PLCB1: variants seen among roughly 807,000 people sequenced by gnomAD.
The protein encoded by PLCB1 is 1-phosphatidylinositol 4,5-bisphosphate phosphodiesterase beta-1.
Under a neutral mutation model 161.8 loss-of-function variants are expected in PLCB1, and 46 were observed. The ratio of observed to expected loss-of-function variants is 0.28; its 90% CI spans 0.22 to 0.36. The LOEUF is 0.36. Ranked by LOEUF, PLCB1 falls within the 10% of genes least tolerant of loss-of-function variation. PLCB1 has a pLI of 1.00. For synonymous variants in PLCB1, 517 were observed against 503.7 expected (o/e 1.03, Z -0.35); for missense variants, 1,016 against 1,472.5 (o/e 0.69, Z 5.07).
intron 2 of PLCB1, among the ~76,000 whole-genome samples, chr20:8,254,551 A>T (rs1004086562): frequency 4.0e-5 from 6 of 149,610 alleles, no homozygotes; most frequent in Admixed American, 4.0e-4. Flanking sequence ...CTCTTTCCTG[A>T]GGAGTGCTTA....
At chr20:8,428,212 G>A (rs552955553) in intron 3 of PLCB1, among the ~76,000 whole-genome samples, 3 of 134,356 alleles carry the variant, frequency 2.2e-5, no homozygotes, top group African/African-American at 8.6e-5. Context: ...TGTAAGGGTA[G>A]TCAGGGTTTT....
chr20:8,496,506 G>A (rs1983180018), intron 3 of PLCB1, among the ~76,000 whole-genome samples: 1 of 152,130 alleles, frequency 6.6e-6, no homozygotes, highest in African/African-American at 2.4e-5. Context: ...TAATTGATTT[G>A]TACCTTTACT....
At chr20:8,609,269 A>T (rs769136692) in intron 3 of PLCB1, among the ~76,000 whole-genome samples, 40 of 152,190 alleles carry the variant, frequency 2.6e-4, no homozygotes, top group Non-Finnish European at 5.1e-4. Context: ...TAATAGATTG[A>T]CTTATGTCAT....
intron 25 of PLCB1, among the ~76,000 whole-genome samples, chr20:8,762,656 A>G (rs1039255324): frequency 3.3e-5 from 5 of 152,208 alleles, no homozygotes; most frequent in Non-Finnish European, 7.3e-5. Flanking sequence ...TGCAACCATA[A>G]TGAGTCAATT....
At chr20:8,143,113 C>T (rs2051420442) in intron 1 of PLCB1, among the ~76,000 whole-genome samples, 1 of 152,136 alleles carries the variant, frequency 6.6e-6, no homozygotes, top group Non-Finnish European at 1.5e-5. Context: ...GTAAAAATCC[C>T]AACCTCAAAA....
chr20:8,764,368 G>A (rs1250003852), intron 25 of PLCB1, among the ~76,000 whole-genome samples: 2 of 152,146 alleles, frequency 1.3e-5, no homozygotes, highest in Non-Finnish European at 2.9e-5. Flanking sequence ...AACCTGCACA[G>A]TTATTTTCTA....
intron 3 of PLCB1, among the ~76,000 whole-genome samples, chr20:8,390,290 G>A (rs1987550576): frequency 6.6e-6 from 1 of 152,122 alleles, no homozygotes; most frequent in Admixed American, 6.6e-5. Flanking sequence ...GCATCTTCAC[G>A]TGGTCCTCCC....
At chr20:8,232,227 G>A (rs79606071) in intron 2 of PLCB1, among the ~76,000 whole-genome samples, 1 of 97,728 alleles carries the variant, frequency 1.0e-5, no homozygotes, top group Non-Finnish European at 1.9e-5. Context: ...CTTTAAAAAA[G>A]AGAGAGAGAG....
At chr20:8,833,786 T>G (rs1986129434) in intron 31 of PLCB1, among the ~76,000 whole-genome samples, 1 of 152,248 alleles carries the variant, frequency 6.6e-6, no homozygotes, top group Non-Finnish European at 1.5e-5. Flanking sequence ...TGTAAAAAAC[T>G]AATACGCTAA....
intron 31 of PLCB1, among the ~76,000 whole-genome samples, chr20:8,836,626 T>G (rs1204319462): frequency 1.3e-5 from 2 of 151,548 alleles, no homozygotes. Context: ...TGATAGATAG[T>G]CCGTGGTGTA....
At chr20:8,879,960 G>A (rs1015032197) in intron 31 of PLCB1, among the ~76,000 whole-genome samples, 5 of 152,102 alleles carry the variant, frequency 3.3e-5, no homozygotes, top group African/African-American at 4.8e-5. Flanking sequence ...CTATCAGAGT[G>A]GCCAAAGCAG....
intron 3 of PLCB1, among the ~76,000 whole-genome samples, chr20:8,495,012 A>T (rs2122788231): frequency 6.6e-6 from 1 of 151,978 alleles, no homozygotes; most frequent in African/African-American, 2.4e-5. Context: ...TCCCACTCTG[A>T]GACTCCTTTC....
intron 26 of PLCB1, among the ~76,000 whole-genome samples, chr20:8,769,573 T>C (rs1982563487): frequency 6.6e-6 from 1 of 152,222 alleles, no homozygotes; most frequent in Admixed American, 6.5e-5. Flanking sequence ...TTCACAGCTC[T>C]AGGAAATCTT....
At chr20:8,397,337 A>AT (rs532933604) in intron 3 of PLCB1, among the ~76,000 whole-genome samples, 7 of 152,110 alleles carry the variant, frequency 4.6e-5, no homozygotes, top group Non-Finnish European at 7.4e-5. Flanking sequence ...TATATTATTA[A>AT]TTTGCTATAC....
At chr20:8,439,475 C>G (rs1980456015) in intron 3 of PLCB1, among the ~76,000 whole-genome samples, 1 of 152,170 alleles carries the variant, frequency 6.6e-6, no homozygotes, top group Non-Finnish European at 1.5e-5. Flanking sequence ...CAGAAATACT[C>G]AAACACTTAT....
chr20:8,385,818 C>T (rs983514944), intron 3 of PLCB1, among the ~76,000 whole-genome samples: 1 of 152,256 alleles, frequency 6.6e-6, no homozygotes, highest in African/African-American at 2.4e-5. Flanking sequence ...CTCTTCCTTC[C>T]TCTCCATGGA....
At chr20:8,252,001 A>G (rs1446429477) in intron 2 of PLCB1, among the ~76,000 whole-genome samples, 1 of 151,982 alleles carries the variant, frequency 6.6e-6, no homozygotes, top group Admixed American at 6.6e-5. Flanking sequence ...TGAAGGACCT[A>G]GGTGATGCTA....
intron 2 of PLCB1, among the ~76,000 whole-genome samples, chr20:8,276,817 G>T (rs188745713): frequency 6.6e-6 from 1 of 151,870 alleles, no homozygotes; most frequent in Non-Finnish European, 1.5e-5. Flanking sequence ...ATATACAACA[G>T]CACAACCATA....
At chr20:8,209,449 G>A (rs1050141960) in intron 2 of PLCB1, among the ~76,000 whole-genome samples, 2 of 152,054 alleles carry the variant, frequency 1.3e-5, no homozygotes, top group Non-Finnish European at 2.9e-5. Flanking sequence ...ATGTGACTTA[G>A]GAACAGAAAA....
Sources: gnomAD v4.1 joint callset for allele counts (sites outside exome capture counted in the v4.1 genomes callset) on GRCh38, gnomAD v4.1.1 for gene constraint, MANE v1.5 for transcripts, NCBI Gene and HGNC (gene_info 2026-07-23, HGNC 2026-07-21) for gene names.